Variants in TCF4 observed in about 807,000 individuals in gnomAD.
TCF4 encodes the protein transcription factor 4, also known as SL3-3 enhancer factor 2.
Under a neutral mutation model 82.1 loss-of-function variants are expected in TCF4, and 3 were observed. The observed-to-expected ratio is 0.04, with a 90% CI of 0.02 to 0.09. The LOEUF (loss-of-function observed/expected upper bound fraction) is 0.09. Ranked by LOEUF, TCF4 falls within the 10% of genes least tolerant of loss-of-function variation. TCF4 has a pLI of 1.00. For missense variants in TCF4, 518 were observed against 852.7 expected, an observed-to-expected ratio of 0.61 and a Z score of 4.89; for synonymous variants, 276 against 309.6, an observed-to-expected ratio of 0.89 and a Z score of 1.14.
At chr18:55,441,394 C>T (rs2095436087) in intron 5 of TCF4, among the ~76,000 whole-genome samples, 1 of 152,170 alleles carries the variant, frequency 6.6e-6, no homozygotes, top group South Asian at 2.1e-4. Context: ...ATATTCAGTA[C>T]ATTCACGATC....
At chr18:55,336,272 C>A (rs1020416173) in intron 8 of TCF4, among the ~76,000 whole-genome samples, 4 of 151,734 alleles carry the variant, frequency 2.6e-5, no homozygotes, top group Admixed American at 6.6e-5. Context: ...CTACAATTAC[C>A]CTCCTAAATA....
At chr18:55,438,697 C>T (rs1302088231) in intron 5 of TCF4, among the ~76,000 whole-genome samples, 1 of 152,152 alleles carries the variant, frequency 6.6e-6, no homozygotes, top group African/African-American at 2.4e-5. Context: ...GGAACAAGGA[C>T]TACAGGACAA....
chr18:55,406,126 CTTTTTTT>C (rs34522468), intron 5 of TCF4, among the ~76,000 whole-genome samples: 1 of 116,098 alleles, frequency 8.6e-6, no homozygotes, highest in South Asian at 3.0e-4. Context: ...GGGAGGTGGA[CTTTTTTT>C]TTTTTTTTTT....
At chr18:55,529,396 T>C (rs1194976530) in intron 3 of TCF4, among the ~76,000 whole-genome samples, 1 of 152,144 alleles carries the variant, frequency 6.6e-6, no homozygotes, top group Non-Finnish European at 1.5e-5. Context: ...CCTTAAAAAA[T>C]ATAGTGTGAA....
intron 15 of TCF4, among the ~76,000 whole-genome samples, 200 bp from the exon 16 acceptor site, chr18:55,234,883 GT>G (rs2048920246): frequency 6.6e-6 from 1 of 152,162 alleles, no homozygotes; most frequent in African/African-American, 2.4e-5. Context: ...ATGCCGTGCT[GT>G]ACATTCAGTG....
intron 3 of TCF4, among the ~76,000 whole-genome samples, chr18:55,577,225 C>CATTTATATATTTATATATGTATATAT: frequency 7.7e-6 from 1 of 130,306 alleles, no homozygotes; most frequent in East Asian, 2.3e-4. Context: ...TGTATATATA[C>CATTTATATATTTATATATGTATATAT]GTTTATATAT....
chr18:55,392,862 T>A (rs1202176365), intron 6 of TCF4, among the ~76,000 whole-genome samples: 3 of 152,236 alleles, frequency 2.0e-5, no homozygotes, highest in Non-Finnish European at 2.9e-5. Flanking sequence ...GGATTTTTTC[T>A]ATGAAAATAT....
At chr18:55,362,504 C>T (rs1388879464) in intron 6 of TCF4, among the ~76,000 whole-genome samples, 1 of 151,756 alleles carries the variant, frequency 6.6e-6, no homozygotes, top group Non-Finnish European at 1.5e-5. Flanking sequence ...CACACTGAAA[C>T]AGGGACTGTC....
At chr18:55,228,116 A>G in intron 19 of TCF4, 86 bp from the exon 20 acceptor site, 2 of 1,445,128 alleles carry the variant, frequency 1.4e-6, no homozygotes, top group South Asian at 2.4e-5. Flanking sequence ...TTCTTTTTCC[A>G]TGAAAGAAAA....
Position 55,410,628 on chromosome 18 carries a change from G to A in TCF4, c.305-7110C>T, listed in dbSNP as rs139152689. 1.1e-3 allele frequency among the ~76,000 whole-genome samples: 173 copies of A among 152,168 alleles called. 3 individuals are homozygous for A. In the East Asian group the frequency reaches 0.029, roughly 26 times the overall value. ...AAAAAGGCTGCACAGATATGAAGTG[G>A]TGAAGTTAGCACACAGACCTCCAGT... is the stretch of plus-strand genomic sequence containing the variant. On this transcript the variant is annotated intron_variant, in intron 5 of 19. Coordinates refer to ENST00000354452, the MANE Select transcript of TCF4 (RefSeq NM_001083962.2).
chr18:55,288,211 G>A (rs550537685), intron 8 of TCF4, among the ~76,000 whole-genome samples: 1 of 152,002 alleles, frequency 6.6e-6, no homozygotes, highest in East Asian at 1.9e-4. Flanking sequence ...CTGAATTCCC[G>A]CAGCCATCCC....
chr18:55,578,019 G>A (rs948791413), intron 3 of TCF4, among the ~76,000 whole-genome samples: 2 of 152,024 alleles, frequency 1.3e-5, no homozygotes, highest in South Asian at 2.1e-4. Flanking sequence ...GACGTCATCC[G>A]TTACAGAAAA....
chr18:55,608,885 T>G (rs12458118), intron 2 of TCF4, among the ~76,000 whole-genome samples: 1 of 151,890 alleles, frequency 6.6e-6, no homozygotes, highest in African/African-American at 2.4e-5. Flanking sequence ...ACTAAATGCT[T>G]GTATCACCTC....
At chr18:55,418,917 C>T (rs1261140744) in intron 5 of TCF4, among the ~76,000 whole-genome samples, 2 of 152,196 alleles carry the variant, frequency 1.3e-5, no homozygotes, top group African/African-American at 4.8e-5. Flanking sequence ...CTTGCCCACA[C>T]ACACACATAC....
At chr18:55,576,650 T>C (rs1035271509) in intron 3 of TCF4, among the ~76,000 whole-genome samples, 1 of 152,180 alleles carries the variant, frequency 6.6e-6, no homozygotes, top group Non-Finnish European at 1.5e-5. Flanking sequence ...CCTTCAAGGA[T>C]TAGAATTGAG....
intron 8 of TCF4, among the ~76,000 whole-genome samples, chr18:55,340,250 C>T (rs1366557993): frequency 6.6e-6 from 1 of 152,080 alleles, no homozygotes; most frequent in African/African-American, 2.4e-5. Context: ...TAAGCAGCTC[C>T]GGGCATCACA....
chr18:55,467,199 T>C (rs1266588641), intron 3 of TCF4, among the ~76,000 whole-genome samples: 1 of 152,214 alleles, frequency 6.6e-6, no homozygotes, highest in Non-Finnish European at 1.5e-5. Context: ...TAAACTAGTG[T>C]TTCCATAGCA....
rs117652372 is a variant in TCF4 at position 55,607,167 on chromosome 18, G to A, written c.287-20031C>T. Among the ~76,000 whole-genome samples, 349 of 152,058 alleles carry A rather than the reference G, an allele frequency of 2.3e-3. 9 individuals carry two copies. In the East Asian group the frequency reaches 0.064, roughly 28 times the overall value. ...TTCCAAGTATTGTATTTTCTCTTAC[G>A]CTTTTCTAAAAAAATAAATTCATGG... On this transcript the variant is annotated intron_variant, in intron 2 of 20. Coordinates refer to the TCF4 transcript ENST00000398339.
chr18:55,250,449 A>G (rs745694635), intron 15 of TCF4, among the ~76,000 whole-genome samples: 8 of 152,202 alleles, frequency 5.3e-5, no homozygotes, highest in Non-Finnish European at 7.4e-5. Flanking sequence ...AGTTCTGAAA[A>G]GGTGTTCTCA....
Sources: allele counts gnomAD v4.1 joint callset (sites outside exome capture counted in the v4.1 genomes callset), GRCh38; gene constraint gnomAD v4.1.1; transcripts MANE v1.5; gene names NCBI Gene and HGNC (gene_info 2026-07-23, HGNC 2026-07-21).